The following EFR3A variants were observed in gnomAD, a reference collection of about 807,000 sequenced individuals.
EFR3A encodes protein EFR3 homolog A.
In EFR3A, 76 loss-of-function variants were observed where a neutral mutation model predicts 104.4. The observed-to-expected ratio is 0.73, with a 90% CI of 0.60 to 0.88. The LOEUF (loss-of-function observed/expected upper bound fraction) is 0.88. EFR3A is among the 40% of genes least tolerant of loss of function. The pLI is 0.00. For synonymous variants in EFR3A, 330 were observed against 330.0 expected (o/e 1.00, Z 0.00); for missense variants, 985 against 1,012.5 (o/e 0.97, Z 0.37).
At chr8:131,920,163 G>A (rs576858712) in intron 1 of EFR3A, among the ~76,000 whole-genome samples, 6 of 152,158 alleles carry the variant, frequency 3.9e-5, no homozygotes, top group South Asian at 4.2e-4. Flanking sequence ...CACTTGTGCC[G>A]GAGTGCTTTG....
chr8:131,991,579 G>A (rs1821185138), intron 18 of EFR3A, among the ~76,000 whole-genome samples: 1 of 152,046 alleles, frequency 6.6e-6, no homozygotes. Flanking sequence ...TTTGTGTGAG[G>A]GTTAGGAGGT....
intron 9 of EFR3A, among the ~76,000 whole-genome samples, chr8:131,969,104 A>G (rs1030360978): frequency 3.3e-5 from 5 of 152,220 alleles, no homozygotes; most frequent in Admixed American, 6.5e-5. Flanking sequence ...TGGAAGCAGT[A>G]GGAATGACAA....
intron 1 of EFR3A, among the ~76,000 whole-genome samples, chr8:131,932,270 A>G (rs892412757): frequency 4.6e-5 from 7 of 152,164 alleles, no homozygotes; most frequent in Non-Finnish European, 8.8e-5. Context: ...TTTTTAAACT[A>G]CAGAAGATTT....
chr8:132,002,637 G>C lies in EFR3A; in HGVS notation c.2241G>C (p.Lys747Asn). ...GAATGGAAGAACAGGAAAAGGAAAA[G>C]AGGCGTCTTGTGATAGAGAAATTTC... is the stretch of plus-strand genomic sequence containing the variant. Reference protein sequence around the residue: ...TSGMEEQEKEKRRLVIEKFQK... With the variant: ...TSGMEEQEKENRRLVIEKFQK... Residue 747 changes from lysine to asparagine, a missense_variant, in exon 21 of 23, where the codon AAG (lysine) becomes AAC (asparagine). Coordinates refer to ENST00000254624, the MANE Select transcript of EFR3A (RefSeq NM_015137.6). 1 of 1,613,784 alleles carries C rather than the reference G, an allele frequency of 6.2e-7. No individual in the cohort carries two copies. Among genetic ancestry groups the C allele is most frequent in the Non-Finnish European group, 8.5e-7 (1 of 1,179,710 alleles).
chr8:131,921,637 A>T (rs1817031821), intron 1 of EFR3A, among the ~76,000 whole-genome samples: 1 of 152,214 alleles, frequency 6.6e-6, no homozygotes, highest in Non-Finnish European at 1.5e-5. Context: ...GAGCCCAGAC[A>T]TTCATTTACC....
chr8:131,929,042 T>C (rs1817450284), intron 1 of EFR3A, among the ~76,000 whole-genome samples: 1 of 152,180 alleles, frequency 6.6e-6, no homozygotes, highest in Non-Finnish European at 1.5e-5. Flanking sequence ...TTGCTTTTGC[T>C]ATCACTTAAA....
chr8:131,918,303 A>G (rs1740547537), intron 1 of EFR3A, among the ~76,000 whole-genome samples: 1 of 152,150 alleles, frequency 6.6e-6, no homozygotes, highest in Admixed American at 6.5e-5. Flanking sequence ...AACAACAACA[A>G]CAAAGAATAG....
At chr8:131,946,937 C>T (rs1818470362) in intron 4 of EFR3A, among the ~76,000 whole-genome samples, 3 of 151,948 alleles carry the variant, frequency 2.0e-5, no homozygotes, top group Admixed American at 2.0e-4. Flanking sequence ...TTTTGAGTTT[C>T]ATGCCTTTTC....
At chr8:131,941,382 AT>A (rs990207139) in intron 2 of EFR3A, among the ~76,000 whole-genome samples, 9 of 152,182 alleles carry the variant, frequency 5.9e-5, no homozygotes, top group African/African-American at 2.2e-4. Context: ...AATTTGCTTT[AT>A]TTTAAAATGT....
intron 11 of EFR3A, 113 bp downstream of exon 11, chr8:131,976,254 C>T: frequency 1.4e-6 from 1 of 706,542 alleles, no homozygotes; most frequent in Non-Finnish European, 2.4e-6. Context: ...TAATAGCATT[C>T]CTATGGAAAG....
At chr8:131,960,700 A>G (rs935434825) in intron 8 of EFR3A, among the ~76,000 whole-genome samples, 15 of 152,186 alleles carry the variant, frequency 9.9e-5, no homozygotes, top group African/African-American at 3.1e-4. Flanking sequence ...CAGGATTTAT[A>G]TCCTTAAGGG....
At chr8:132,007,808 T>G (rs1356354591) in intron 22 of EFR3A, among the ~76,000 whole-genome samples, 1 of 151,942 alleles carries the variant, frequency 6.6e-6, no homozygotes, top group Non-Finnish European at 1.5e-5. Context: ...ATCAAAAACT[T>G]AAGTGATTTT....
At position 132,011,935 on chromosome 8, in the gene EFR3A, A is replaced by G. The variant is rs1158604307; in HGVS notation, c.*1040A>G. 1 of 152,192 alleles carries G rather than the reference A, an allele frequency of 6.6e-6. No homozygotes were observed. The highest frequency in any genetic ancestry group is 2.4e-5 in the African/African-American group (1 of 41,450). 9.4% of individuals were successfully genotyped at this position (152,192 alleles called of 1,614,324 possible). ...TATTTGAAAAGCTGCCTGTGTTTTA[A>G]CAGTCAAGTGTGCTAAAGTTTGTCA... On this transcript the variant is annotated 3_prime_UTR_variant, in exon 23 of 23. Coordinates refer to ENST00000254624, the MANE Select transcript of EFR3A (RefSeq NM_015137.6).
At chr8:131,961,472 T>A (rs1819323800) in intron 8 of EFR3A, among the ~76,000 whole-genome samples, 1 of 151,996 alleles carries the variant, frequency 6.6e-6, no homozygotes, top group Non-Finnish European at 1.5e-5. Flanking sequence ...TGATGGAAGA[T>A]CAAATGAATG....
intron 1 of EFR3A, among the ~76,000 whole-genome samples, chr8:131,919,595 CAAAAAA>C (rs1054823834): frequency 1.1e-4 from 6 of 53,880 alleles, no homozygotes; most frequent in African/African-American, 3.7e-4. Flanking sequence ...GACTCCGTCT[CAAAAAA>C]AAAAAAAAAA....
intron 1 of EFR3A, among the ~76,000 whole-genome samples, chr8:131,933,718 A>G (rs1346136536): frequency 1.3e-5 from 2 of 152,084 alleles, no homozygotes; most frequent in Non-Finnish European, 2.9e-5. Context: ...GTCTAAAATT[A>G]AAACTTTTTA....
intron 1 of EFR3A, among the ~76,000 whole-genome samples, chr8:131,905,025 G>T (rs1816176749): frequency 6.6e-6 from 1 of 152,224 alleles, no homozygotes; most frequent in African/African-American, 2.4e-5. Flanking sequence ...GTCACTCGGT[G>T]TTGGAGGATT....
At position 131,963,931 on chromosome 8, in the gene EFR3A, A is replaced by C. The variant is rs181606626; in HGVS notation, c.855+4268A>C. On this transcript the variant is annotated intron_variant, in intron 8 of 22. Transcript: ENST00000254624. ...GCTGGTTCAACATACGCAAATCGAT[A>C]AATGTAATCCAGCATATAAACAGAA... Among the ~76,000 whole-genome samples the C allele has an allele frequency of 6.7e-3, 1,019 of 152,344 alleles. 4 individuals carry two copies. Among genetic ancestry groups the C allele is most frequent in the Middle Eastern group, 0.017 (5 of 294 alleles).
chr8:132,003,164 A>G, intron 21 of EFR3A, 72 bp from the exon 22 acceptor site: 2 of 1,187,030 alleles, frequency 1.7e-6, no homozygotes, highest in Non-Finnish European at 2.4e-6. Context: ...TTGTCTCTTA[A>G]GTTACATTGA....
Sources: gnomAD v4.1 joint callset for allele counts (sites outside exome capture counted in the v4.1 genomes callset) on GRCh38, gnomAD v4.1.1 for gene constraint, MANE v1.5 for transcripts, NCBI Gene and HGNC (gene_info 2026-07-23, HGNC 2026-07-21) for gene names.